Variants in COL27A1 observed in about 807,000 individuals in gnomAD.
The protein encoded by COL27A1 is collagen type XXVII alpha 1 chain.
A neutral mutation model predicts 251.3 loss-of-function variants in COL27A1; 106 were observed. That is an observed-to-expected ratio of 0.42 (90% confidence interval 0.36 to 0.50). The LOEUF (loss-of-function observed/expected upper bound fraction) is 0.50. COL27A1 is among the 20% of genes least tolerant of loss of function. The pLI, the probability that COL27A1 is intolerant of heterozygous loss-of-function variation, is 0.00. For missense variants in COL27A1, 2,325 were observed against 2,522.8 expected, an observed-to-expected ratio of 0.92 and a Z score of 1.68; for synonymous variants, 1,000 against 986.3, an observed-to-expected ratio of 1.01 and a Z score of -0.26.
At chr9:114,261,347 C>A (rs1193760807) in intron 28 of COL27A1, among the ~76,000 whole-genome samples, 3 of 152,204 alleles carry the variant, frequency 2.0e-5, no homozygotes, top group Non-Finnish European at 4.4e-5. Context: ...GATAGAAACC[C>A]AAGCTTCCCT....
At chr9:114,270,924 G>T in intron 36 of COL27A1, 143 bp downstream of exon 36, 2 of 710,684 alleles carry the variant, frequency 2.8e-6, no homozygotes, top group Non-Finnish European at 4.9e-6. Flanking sequence ...GCAGCTTGGG[G>T]AAGGGTCAGC....
At chr9:114,155,359 G>T (rs912197856), upstream of COL27A1, among the ~76,000 whole-genome samples, 6 of 152,116 alleles carry the variant, frequency 3.9e-5, no homozygotes, top group Admixed American at 3.9e-4. The surrounding 1 kb of genome is among the most constrained non-coding windows in gnomAD (Gnocchi z 5.5). Context: ...TCTATACAAG[G>T]AGGAGGGGGG....
chr9:114,240,776 C>T (rs907193738), intron 21 of COL27A1, among the ~76,000 whole-genome samples: 4 of 152,238 alleles, frequency 2.6e-5, no homozygotes, highest in African/African-American at 7.2e-5. Context: ...ACTGACAATG[C>T]CGTGCTCGTG....
chr9:114,214,938 C>A (rs1418057945), intron 12 of COL27A1, among the ~76,000 whole-genome samples: 1 of 152,272 alleles, frequency 6.6e-6, no homozygotes, highest in African/African-American at 2.4e-5. Context: ...AGCCAAGGGT[C>A]TCTACGAGCA....
Position 114,309,245 on chromosome 9 carries a change from G to C in COL27A1, c.5218-15G>C, listed in dbSNP as rs778106434. The C allele has an allele frequency of 1.2e-6, 2 of 1,612,940 alleles. No individual in the cohort carries two copies. The highest frequency in any genetic ancestry group is 1.7e-6 in the Non-Finnish European group (2 of 1,179,048). ...GGGGCAGCCTGAGCCGCTCACTGCC[G>C]TTGCTTCTCTATAGGTCGAGTTTGC... On this transcript the variant is annotated splice_polypyrimidine_tract_variant and intron_variant, in intron 59 of 60. Coordinates refer to ENST00000356083, the MANE Select transcript of COL27A1 (RefSeq NM_032888.4).
chr9:114,304,349 G>A (rs1309849494), intron 56 of COL27A1, among the ~76,000 whole-genome samples: 1 of 152,260 alleles, frequency 6.6e-6, no homozygotes, highest in Non-Finnish European at 1.5e-5. Context: ...CAAGACCACA[G>A]TGTTCAAACT....
chr9:114,183,799 A>G (rs1318086458), intron 5 of COL27A1, among the ~76,000 whole-genome samples: 1 of 152,128 alleles, frequency 6.6e-6, no homozygotes, highest in Non-Finnish European at 1.5e-5. Context: ...AGGCTGGCGC[A>G]GAGATGCCAC....
intron 23 of COL27A1, among the ~76,000 whole-genome samples, chr9:114,244,786 C>G (rs188191449): frequency 6.6e-6 from 1 of 152,194 alleles, no homozygotes; most frequent in Admixed American, 6.5e-5. Flanking sequence ...CTCTCTCCCT[C>G]AGATACCAGT....
At chr9:114,229,200 G>C (rs1190213126) in intron 14 of COL27A1, among the ~76,000 whole-genome samples, 1 of 152,252 alleles carries the variant, frequency 6.6e-6, no homozygotes, top group African/African-American at 2.4e-5. Context: ...GAATCCTAAA[G>C]TCCAGAAAGG....
At chr9:114,170,338 C>T (rs887957602) in intron 3 of COL27A1, among the ~76,000 whole-genome samples, 4 of 152,226 alleles carry the variant, frequency 2.6e-5, no homozygotes, top group Admixed American at 6.5e-5. Context: ...CTAGGGGCAA[C>T]GACCTTCCCA....
At chr9:114,302,481 C>G (rs1043805275) in intron 56 of COL27A1, among the ~76,000 whole-genome samples, 1 of 152,100 alleles carries the variant, frequency 6.6e-6, no homozygotes, top group Non-Finnish European at 1.5e-5. Flanking sequence ...AATCCCAGCA[C>G]TTTGGGAGTT....
intron 12 of COL27A1, among the ~76,000 whole-genome samples, chr9:114,212,803 T>C (rs1830453113): frequency 6.6e-6 from 1 of 152,154 alleles, no homozygotes. Flanking sequence ...CGGAATAAGG[T>C]TTCCTGGATG....
rs139712391 is a variant in COL27A1, at chr9:114,179,832, C to CTTT, written c.1962+1512_1962+1514dup. On this transcript the variant is annotated intron_variant, in intron 4 of 60. Coordinates refer to ENST00000356083, the MANE Select transcript of COL27A1 (RefSeq NM_032888.4). ...GCAGTCTGCCTCCAGAGCCTACCAT[C>CTTT]TTTTTTTTTTTTTTTTTTTTTTTTT... Among the ~76,000 whole-genome samples the CTTT allele has an allele frequency of 8.9e-3, 888 of 100,144 alleles. 78 individuals carry two copies. The highest frequency in any genetic ancestry group is 0.015 in the African/African-American group (420 of 27,274). 65.7% of individuals were successfully genotyped at this position (100,144 alleles called of 152,430 possible).
intron 18 of COL27A1, 79 bp downstream of exon 18, chr9:114,237,113 C>A: frequency 7.3e-7 from 1 of 1,362,948 alleles, no homozygotes; most frequent in Non-Finnish European, 1.0e-6. Context: ...ACACCTTCAC[C>A]TCCAAGACTT....
intron 36 of COL27A1, chr9:114,273,746 C>A (rs993385479): frequency 6.6e-6 from 1 of 152,336 alleles, no homozygotes; most frequent in African/African-American, 2.4e-5. Flanking sequence ...TGATGGACGC[C>A]GCCCCTCAGC....
Position 114,168,477 on chromosome 9 carries a change from C to G in COL27A1, c.922C>G (p.Pro308Ala). ...TKPQRTSPTN[P>A]HQHMAVGGPA... ...GCCCCAAAGGACTAGCCCCACAAAC[C>G]CTCACCAGCATATGGCGGTGGGAGG... The change falls in exon 3 of 61, where the codon CCT (proline) becomes GCT (alanine). Residue 308 changes from proline to alanine, a missense_variant. This residue lies in a region of COL27A1 where 1,183 missense variants were observed against 1,144.1 expected (regional missense o/e 1.03). Transcript: ENST00000356083. 6.2e-7 allele frequency: 1 copy of G among 1,614,060 alleles called. No homozygotes were observed. Among genetic ancestry groups the G allele is most frequent in the Non-Finnish European group, 8.5e-7 (1 of 1,179,942 alleles).
intron 39 of COL27A1, among the ~76,000 whole-genome samples, chr9:114,283,090 G>A (rs564197191): frequency 1.6e-4 from 24 of 152,290 alleles, no homozygotes; most frequent in East Asian, 5.8e-4. Context: ...GCTGAAGAGG[G>A]TGACACAGCA....
chr9:114,216,255 C>T (rs948032483), intron 12 of COL27A1, among the ~76,000 whole-genome samples: 12 of 152,250 alleles, frequency 7.9e-5, no homozygotes, highest in Non-Finnish European at 1.3e-4. Context: ...AACCACGTGG[C>T]TGGGGCCCTG....
intron 7 of COL27A1, among the ~76,000 whole-genome samples, chr9:114,201,401 C>CT (rs112736141): frequency 3.8e-4 from 58 of 152,324 alleles, no homozygotes; most frequent in African/African-American, 1.2e-3. Flanking sequence ...CTGGCCCCAG[C>CT]TGGTAAACAT....
Sources: allele counts gnomAD v4.1 joint callset (sites outside exome capture counted in the v4.1 genomes callset), GRCh38; gene constraint gnomAD v4.1.1; regional missense constraint gnomAD v4.1.1; non-coding constraint Gnocchi (gnomAD v3.1); transcripts MANE v1.5; gene names NCBI Gene and HGNC (gene_info 2026-07-23, HGNC 2026-07-21).